Variants in EYS observed in about 807,000 individuals in gnomAD.
EYS encodes protein eyes shut homolog.
EYS carries 250 observed loss-of-function variants against 282.1 expected under a neutral mutation model. The ratio of observed to expected loss-of-function variants is 0.89; its 90% CI spans 0.80 to 0.98. The LOEUF (loss-of-function observed/expected upper bound fraction) is 0.98. Ranked by LOEUF, EYS falls within the 50% of genes least tolerant of loss-of-function variation. The pLI is 0.00. For missense variants in EYS, 4,016 were observed against 3,709.0 expected, an observed-to-expected ratio of 1.08 and a Z score of -2.15; for synonymous variants, 1,355 against 1,282.9, an observed-to-expected ratio of 1.06 and a Z score of -1.20.
At chr6:63,907,777 C>T (rs114018481) in intron 35 of EYS, among the ~76,000 whole-genome samples, 95 of 151,968 alleles carry the variant, frequency 6.3e-4, no homozygotes, top group African/African-American at 2.2e-3. Flanking sequence ...TCTTACCTTC[C>T]ACCCTTCTGC....
At position 64,322,741 on chromosome 6, in the gene EYS, TC is replaced by T. The variant is rs545023717; in HGVS notation, c.6079-15660del. Among the ~76,000 whole-genome samples the T allele has an allele frequency of 2.8e-4, 43 of 152,216 alleles. No individual in the cohort carries two copies. The East Asian group carries it at 7.9e-3, about 28-fold the overall frequency. Reference sequence around the variant, plus strand: ...AAGCTATGTTTCTAAAGTTTTCAGGTCAGCAAGGTTTCAAAGCAGCCGAAAG... The same window carrying T: ...AAGCTATGTTTCTAAAGTTTTCAGGTAGCAAGGTTTCAAAGCAGCCGAAAG... On this transcript the variant is annotated intron_variant, in intron 29 of 42. Coordinates refer to ENST00000503581, the MANE Select transcript of EYS (RefSeq NM_001142800.2).
chr6:65,252,962 A>G (rs1379395889), intron 12 of EYS, among the ~76,000 whole-genome samples: 2 of 151,940 alleles, frequency 1.3e-5, no homozygotes, highest in Non-Finnish European at 2.9e-5. Flanking sequence ...CCTGTTAGAC[A>G]ATAAAATTTC....
chr6:64,077,659 A>T (rs945828454), intron 32 of EYS, among the ~76,000 whole-genome samples: 2 of 151,992 alleles, frequency 1.3e-5, no homozygotes, highest in African/African-American at 4.8e-5. Context: ...ATTTTCAAAG[A>T]TCACATACTT....
rs1219465608 is a variant in EYS at position 64,854,952 on chromosome 6, T to C, written c.2992+31745A>G. Among the ~76,000 whole-genome samples the C allele has an allele frequency of 3.9e-5, 6 of 152,312 alleles. No homozygotes were observed. In the East Asian group the frequency reaches 9.6e-4, roughly 24 times the overall value. On this transcript the variant is annotated intron_variant, in intron 19 of 42. Coordinates refer to ENST00000503581, the MANE Select transcript of EYS (RefSeq NM_001142800.2). ...AAAGATATTTTCATTTAGACTTTTG[T>C]GTTGACAGTTTTTTTAAATATCATT...
intron 2 of EYS, among the ~76,000 whole-genome samples, chr6:65,567,071 C>T (rs559828876): frequency 3.3e-5 from 5 of 151,842 alleles, no homozygotes; most frequent in African/African-American, 1.2e-4. Flanking sequence ...TGGATTAATG[C>T]TGTTATTGTG....
chr6:65,219,888 T>C (rs549369753), intron 12 of EYS, among the ~76,000 whole-genome samples: 2 of 152,238 alleles, frequency 1.3e-5, no homozygotes, highest in Admixed American at 1.3e-4. Context: ...GCTTATTCAC[T>C]ACCATGAGAA....
intron 31 of EYS, among the ~76,000 whole-genome samples, chr6:64,215,699 T>C (rs1180639010): frequency 1.3e-5 from 2 of 152,290 alleles, no homozygotes; most frequent in African/African-American, 4.8e-5. Context: ...TTTTTTTCTA[T>C]ATCCCAGATG....
chr6:64,663,008 T>C (rs554890784), intron 22 of EYS, among the ~76,000 whole-genome samples: 96 of 152,304 alleles, frequency 6.3e-4, no homozygotes, highest in African/African-American at 2.2e-3. Flanking sequence ...TTACATAAAG[T>C]TGCAGATCTT....
chr6:63,843,321 C>G (rs758377751), intron 36 of EYS, among the ~76,000 whole-genome samples: 1 of 152,142 alleles, frequency 6.6e-6, no homozygotes, highest in Non-Finnish European at 1.5e-5. Flanking sequence ...AGGGCTTTCT[C>G]ATCCCTTGTA....
intron 14 of EYS, among the ~76,000 whole-genome samples, chr6:64,968,550 G>T (rs1391720370): frequency 1.3e-5 from 2 of 151,984 alleles, no homozygotes; most frequent in Admixed American, 6.6e-5. Flanking sequence ...ACCTGAGAGG[G>T]TCTGATTGCT....
chr6:64,822,891 A>T, intron 19 of EYS, 69 bp from the exon 20 acceptor site: 1 of 1,295,754 alleles, frequency 7.7e-7, no homozygotes, highest in Non-Finnish European at 1.1e-6. Context: ...TTTGTTCATT[A>T]TGGTAAACAT....
intron 14 of EYS, among the ~76,000 whole-genome samples, chr6:64,976,868 T>C (rs1770489669): frequency 6.6e-6 from 1 of 151,860 alleles, no homozygotes; most frequent in African/African-American, 2.4e-5. Context: ...GAATCCTGTA[T>C]CAAATATACT....
At chr6:64,646,551 C>G (rs1309044390) in intron 22 of EYS, among the ~76,000 whole-genome samples, 2 of 152,036 alleles carry the variant, frequency 1.3e-5, no homozygotes, top group Admixed American at 1.3e-4. Flanking sequence ...CTCCTGTAAT[C>G]CCAGCACTTT....
chr6:64,891,615 A>G (rs540670293), intron 18 of EYS, among the ~76,000 whole-genome samples: 1 of 152,150 alleles, frequency 6.6e-6, no homozygotes, highest in Admixed American at 6.6e-5. Context: ...TCCTTTCGCT[A>G]TTACCTGCTG....
At chr6:64,640,750 C>A (rs1768115065) in intron 22 of EYS, among the ~76,000 whole-genome samples, 1 of 152,124 alleles carries the variant, frequency 6.6e-6, no homozygotes, top group African/African-American at 2.4e-5. Context: ...AAAATTCATG[C>A]AAAGTATTAA....
intron 33 of EYS, among the ~76,000 whole-genome samples, chr6:64,011,270 A>G (rs1768611095): frequency 6.6e-6 from 1 of 152,166 alleles, no homozygotes; most frequent in South Asian, 2.1e-4. Flanking sequence ...GTGAAGTTAC[A>G]GAGTCATCTT....
chr6:65,572,263 T>C (rs540902196), intron 2 of EYS, among the ~76,000 whole-genome samples: 10 of 152,252 alleles, frequency 6.6e-5, no homozygotes, highest in Admixed American at 1.3e-4. Flanking sequence ...GTCTTTCATA[T>C]TCAAAAATCA....
intron 5 of EYS, among the ~76,000 whole-genome samples, chr6:65,461,201 T>TAAGACCATTACCTCAAAAGCCC (rs1764815902): frequency 6.6e-6 from 1 of 152,170 alleles, no homozygotes; most frequent in Admixed American, 6.6e-5. Context: ...CACAGAAGGC[T>TAAGACCATTACCTCAAAAGCCC]AAGACCATTA....
chr6:63,995,658 T>C (rs1767800764), intron 34 of EYS, among the ~76,000 whole-genome samples: 3 of 152,038 alleles, frequency 2.0e-5, no homozygotes, highest in South Asian at 4.1e-4. Context: ...ATTCAAAAGA[T>C]AGAAACAACA....
Sources: gnomAD v4.1 joint callset for allele counts (sites outside exome capture counted in the v4.1 genomes callset) on GRCh38, gnomAD v4.1.1 for gene constraint, MANE v1.5 for transcripts, NCBI Gene and HGNC (gene_info 2026-07-23, HGNC 2026-07-21) for gene names.